NELL2: variants seen among roughly 807,000 people sequenced by gnomAD.
The protein encoded by NELL2 is protein kinase C-binding protein NELL2.
A neutral mutation model predicts 109.6 loss-of-function variants in NELL2; 41 were observed. That is an observed-to-expected ratio of 0.37 (90% confidence interval 0.29 to 0.49). The LOEUF is 0.49. Ranked by LOEUF, NELL2 falls within the 20% of genes least tolerant of loss-of-function variation. The probability of loss-of-function intolerance (pLI) is 0.98; values close to 1 mark genes in which losing one functional copy is unlikely to be tolerated. For missense variants in NELL2, 900 were observed against 1,008.3 expected (o/e 0.89, Z 1.45); for synonymous variants, 355 against 344.7 (o/e 1.03, Z -0.33).
At position 44,584,384 on chromosome 12, in the gene NELL2, T is replaced by C. The variant is rs140979694; in HGVS notation, c.1663+22785A>G. 2.2e-4 allele frequency among the ~76,000 whole-genome samples: 34 copies of C among 152,298 alleles called. No homozygotes were observed. In the East Asian group the frequency reaches 5.4e-3, roughly 24 times the overall value. On this transcript the variant is annotated intron_variant, in intron 15 of 19. Coordinates refer to ENST00000429094, the MANE Select transcript of NELL2 (RefSeq NM_001145108.2). ...ATAACTGATGGAGATTTTTTAAAGA[T>C]TTGTTGACAAAACAGTCATGCAATT... is the stretch of plus-strand genomic sequence containing the variant.
Position 44,520,111 on chromosome 12 carries a change from A to T in NELL2, c.2294T>A (p.Ile765Asn). 1 of 1,614,136 alleles carries T rather than the reference A, an allele frequency of 6.2e-7. No homozygotes were observed. Among genetic ancestry groups the T allele is most frequent in the South Asian group, 1.1e-5 (1 of 91,078 alleles). Reference protein sequence around the residue: ...CVTDPCQADTIRNDITKTCLD... With the variant: ...CVTDPCQADTNRNDITKTCLD... Reference sequence around the variant, plus strand: ...GCAAGTCTTGGTGATGTCATTGCGGATGGTGTCAGCCTGGCAAGGGTCTGT... The same window carrying T: ...GCAAGTCTTGGTGATGTCATTGCGGTTGGTGTCAGCCTGGCAAGGGTCTGT... Residue 765 changes from isoleucine (I) to asparagine (N), a missense_variant, in exon 19 of 20, where the codon ATC (isoleucine) becomes AAC (asparagine). Ile to Asn is a moderately radical substitution (Grantham distance 149). This residue lies in a region of NELL2 where 333 missense variants were observed against 432.3 expected (regional missense o/e 0.77). Coordinates refer to ENST00000429094, the MANE Select transcript of NELL2 (RefSeq NM_001145108.2).
chr12:44,633,448 G>A (rs902898095), intron 13 of NELL2, among the ~76,000 whole-genome samples: 1 of 152,076 alleles, frequency 6.6e-6, no homozygotes, highest in African/African-American at 2.4e-5. Flanking sequence ...ATGATTTGCA[G>A]CAGTGTGACA....
At chr12:44,694,204 CT>C (rs1428573381) in intron 12 of NELL2, among the ~76,000 whole-genome samples, 1 of 152,122 alleles carries the variant, frequency 6.6e-6, no homozygotes, top group Non-Finnish European at 1.5e-5. Context: ...CAGATTATCC[CT>C]CCCTAACGTG....
rs542488772 is a variant in NELL2, at chr12:44,847,646, A to T, written c.184+27579T>A. On this transcript the variant is annotated intron_variant, in intron 2 of 19. Coordinates refer to ENST00000429094, the MANE Select transcript of NELL2 (RefSeq NM_001145108.2). ...AGAGAAGCGAGAAGTTAAAAAAAAA[A>T]TTTTTTTAACCCACTCCATGCAAGA... Among the ~76,000 whole-genome samples, 854 of 152,002 alleles carry T rather than the reference A, an allele frequency of 5.6e-3. 6 individuals are homozygous for T. The highest frequency in any genetic ancestry group is 0.022 in the South Asian group (106 of 4,812).
chr12:44,701,709 A>G (rs532171220), intron 12 of NELL2, among the ~76,000 whole-genome samples: 1 of 152,124 alleles, frequency 6.6e-6, no homozygotes, highest in East Asian at 1.9e-4. Context: ...ACTTCCTATA[A>G]CTTTCCTTAT....
Position 44,714,781 on chromosome 12 carries a change from A to G in NELL2, c.995-40T>C. 2.3e-6 allele frequency: 3 copies of G among 1,326,988 alleles called. No individual in the cohort carries two copies. The South Asian group carries it at 4.0e-5, about 18-fold the overall frequency. 82.2% of individuals were successfully genotyped at this position (1,326,988 alleles called of 1,614,324 possible). A position where few individuals can be genotyped will look rare whatever the true frequency, so the allele number is the denominator to read the frequency against. Reference sequence around the variant, plus strand: ...ATACATATATATTTATTTTATTGGGAAAAATAGCTTAGAAGGGATCAGATC... The same window carrying G: ...ATACATATATATTTATTTTATTGGGGAAAATAGCTTAGAAGGGATCAGATC... On this transcript the variant is annotated intron_variant, in intron 9 of 19. Transcript: ENST00000429094.
chr12:44,801,655 A>C (rs1942833497), intron 3 of NELL2, among the ~76,000 whole-genome samples: 1 of 152,110 alleles, frequency 6.6e-6, no homozygotes, highest in Admixed American at 6.6e-5. Flanking sequence ...CCTACCTCCA[A>C]GATTGCAGTG....
chr12:44,529,396 T>C (rs1941944282), intron 16 of NELL2, among the ~76,000 whole-genome samples: 1 of 152,124 alleles, frequency 6.6e-6, no homozygotes, highest in Non-Finnish European at 1.5e-5. Context: ...TCGTATTAAG[T>C]CTGAGTTGTC....
chr12:44,830,289 T>C (rs1207095698), intron 2 of NELL2, among the ~76,000 whole-genome samples: 1 of 152,210 alleles, frequency 6.6e-6, no homozygotes, highest in Non-Finnish European at 1.5e-5. Context: ...TATGCAGAGC[T>C]GAAGTACTGA....
At chr12:44,690,109 A>G (rs1391601981) in intron 12 of NELL2, among the ~76,000 whole-genome samples, 1 of 152,110 alleles carries the variant, frequency 6.6e-6, no homozygotes, top group Non-Finnish European at 1.5e-5. Context: ...AAAATTTGAG[A>G]CCCAACCCTG....
chr12:44,876,421 C>A, upstream of NELL2: 3 of 1,274,580 alleles, frequency 2.4e-6, no homozygotes, highest in East Asian at 3.0e-5. Flanking sequence ...AGGGCGAGGC[C>A]GGCGCTCAGC....
chr12:44,640,658 C>T (rs1408118288), intron 13 of NELL2, among the ~76,000 whole-genome samples: 1 of 151,802 alleles, frequency 6.6e-6, no homozygotes, highest in Admixed American at 6.6e-5. Flanking sequence ...AACTATCTTC[C>T]AGATTGTATT....
At chr12:44,875,009 T>C (rs1385972097) in intron 2 of NELL2, 2 of 545,450 alleles carry the variant, frequency 3.7e-6, no homozygotes, top group Non-Finnish European at 3.1e-6. Context: ...CCATTAGAAC[T>C]GGCAAGAGTA....
chr12:44,524,561 T>C (rs1259576558), intron 16 of NELL2, among the ~76,000 whole-genome samples: 1 of 152,180 alleles, frequency 6.6e-6, no homozygotes, highest in Non-Finnish European at 1.5e-5. Flanking sequence ...TTTCAAATGG[T>C]TGGACTTCAA....
intron 2 of NELL2, among the ~76,000 whole-genome samples, chr12:44,848,276 T>C (rs1944433505): frequency 6.6e-6 from 1 of 152,078 alleles, no homozygotes; most frequent in Non-Finnish European, 1.5e-5. Context: ...TAGAAAGCGA[T>C]GCAGAGGACC....
At chr12:44,695,750 T>C (rs1949043729) in intron 12 of NELL2, among the ~76,000 whole-genome samples, 1 of 152,006 alleles carries the variant, frequency 6.6e-6, no homozygotes, top group Non-Finnish European at 1.5e-5. Context: ...TTGGAGGAAA[T>C]AAGATCATAT....
chr12:44,547,291 A>G (rs922620191), intron 15 of NELL2, among the ~76,000 whole-genome samples: 2 of 152,230 alleles, frequency 1.3e-5, no homozygotes, highest in Non-Finnish European at 2.9e-5. Flanking sequence ...AGCACAGGAA[A>G]TGATCTAAAT....
chr12:44,777,121 C>G lies in NELL2; in HGVS notation c.683G>C (p.Cys228Ser), dbSNP rs762948493. ...IAQCPDLNRT[C>S]PTCNDFHGLV... ...TCCATGGAAGTCATTGCAAGTTGGA[C>G]AGGCTGGAATTACAAACACTACATT... Residue 228 changes from cysteine to serine, a missense_variant, in exon 7 of 20, where the codon TGT becomes TCT. By Grantham distance (112) the Cys-to-Ser change is moderately radical. Around this residue, in one of 4 missense-constraint regions of NELL2, gnomAD observed 75 missense variants for 118.9 expected, o/e 0.63. Coordinates refer to ENST00000429094, the MANE Select transcript of NELL2 (RefSeq NM_001145108.2). 1.9e-6 allele frequency: 3 copies of G among 1,613,972 alleles called. No individual in the cohort carries two copies.
intron 16 of NELL2, among the ~76,000 whole-genome samples, chr12:44,530,411 G>GT (rs1448362295): frequency 6.6e-6 from 1 of 152,162 alleles, no homozygotes; most frequent in Non-Finnish European, 1.5e-5. Flanking sequence ...GGAAGGGAAC[G>GT]TAACTAAAGA....
Sources: allele counts gnomAD v4.1 joint callset (sites outside exome capture counted in the v4.1 genomes callset), GRCh38; gene constraint gnomAD v4.1.1; regional missense constraint gnomAD v4.1.1; transcripts MANE v1.5; gene names NCBI Gene and HGNC (gene_info 2026-07-23, HGNC 2026-07-21).